The following PLEKHA7 variants were observed in gnomAD, a reference collection of about 807,000 sequenced individuals.
PLEKHA7 encodes the protein pleckstrin homology domain-containing family A member 7.
In PLEKHA7, 104 loss-of-function variants were observed where a neutral mutation model predicts 170.0. The observed-to-expected ratio is 0.61, with a 90% CI of 0.52 to 0.72. The LOEUF is 0.72. PLEKHA7 is among the 30% of genes least tolerant of loss of function. PLEKHA7 has a pLI of 0.00. For synonymous variants in PLEKHA7, 648 were observed against 660.8 expected (o/e 0.98, Z 0.30); for missense variants, 1,615 against 1,671.7 (o/e 0.97, Z 0.59).
intron 26 of PLEKHA7, among the ~76,000 whole-genome samples, chr11:16,782,172 C>G (rs999873254): frequency 1.3e-5 from 2 of 150,878 alleles, no homozygotes; most frequent in African/African-American, 4.9e-5. Flanking sequence ...CACACACACA[C>G]CCACACACAC....
At chr11:16,883,094 T>C (rs1266241586) in intron 3 of PLEKHA7, among the ~76,000 whole-genome samples, 1 of 152,154 alleles carries the variant, frequency 6.6e-6, no homozygotes, top group East Asian at 1.9e-4. Flanking sequence ...TCTGCCTAAC[T>C]CCAAAGTGTG....
chr11:16,926,954 A>G (rs1859595992), intron 3 of PLEKHA7, among the ~76,000 whole-genome samples: 1 of 151,940 alleles, frequency 6.6e-6, no homozygotes, highest in Non-Finnish European at 1.5e-5. Flanking sequence ...TCAGTCATCA[A>G]TTTGCTGTGT....
chr11:16,986,542 G>A (rs942700931), intron 3 of PLEKHA7, among the ~76,000 whole-genome samples: 2 of 152,188 alleles, frequency 1.3e-5, no homozygotes, highest in African/African-American at 4.8e-5. Context: ...CTACTGACTG[G>A]CTGGAGGCAA....
chr11:16,882,648 C>A (rs978144606), intron 3 of PLEKHA7, among the ~76,000 whole-genome samples: 37 of 152,164 alleles, frequency 2.4e-4, no homozygotes, highest in Admixed American at 2.4e-3. Context: ...AAGTCCATCA[C>A]TAAAAAGACT....
chr11:16,910,962 C>T (rs6486321), intron 3 of PLEKHA7, among the ~76,000 whole-genome samples: 35,727 of 152,072 alleles, frequency 0.23, 6,492 homozygotes, highest in African/African-American at 0.5. Flanking sequence ...TCACATTTCC[C>T]GACTGTAAAG....
In PLEKHA7 at chr11:16,822,970, T is replaced by TTGTA. The variant is rs1224015934; in HGVS notation, c.1343+3146_1343+3149dup. Among the ~76,000 whole-genome samples, 9 of 148,430 alleles carry TTGTA rather than the reference T, an allele frequency of 6.1e-5. No individual in the cohort carries two copies. In the East Asian group the frequency reaches 1.8e-3, roughly 29 times the overall value. On this transcript the variant is annotated intron_variant, in intron 10 of 26. Transcript: ENST00000531066. The stretch of plus-strand genomic sequence containing the variant: ...ACATGCACTGGAATCACCTAGGGAG[T>TTGTA]TGTATGTATGTATTATTTATTTATT...
intron 3 of PLEKHA7, among the ~76,000 whole-genome samples, chr11:17,010,318 G>C (rs1865248918): frequency 6.6e-6 from 1 of 152,014 alleles, no homozygotes; most frequent in Non-Finnish European, 1.5e-5. Flanking sequence ...TTGAACCCAA[G>C]AGGCAGAGGT....
chr11:17,006,345 G>A (rs954889809), intron 3 of PLEKHA7, among the ~76,000 whole-genome samples: 5 of 145,502 alleles, frequency 3.4e-5, no homozygotes, highest in East Asian at 2.0e-4. Context: ...AAAAAAAAAC[G>A]TCCAGGCACG....
intron 17 of PLEKHA7, among the ~76,000 whole-genome samples, chr11:16,797,209 C>G (rs1484156760): frequency 2.0e-5 from 3 of 152,124 alleles, no homozygotes; most frequent in African/African-American, 4.8e-5. Flanking sequence ...GGGACTACGG[C>G]CATCTCTTGA....
At chr11:17,001,152 G>T (rs1443761150) in intron 3 of PLEKHA7, among the ~76,000 whole-genome samples, 1 of 152,166 alleles carries the variant, frequency 6.6e-6, no homozygotes, top group Non-Finnish European at 1.5e-5. Flanking sequence ...CCCAGCCCCA[G>T]GCACCCATAT....
intron 12 of PLEKHA7, among the ~76,000 whole-genome samples, chr11:16,814,220 C>A (rs1278810303): frequency 6.6e-6 from 1 of 152,246 alleles, no homozygotes; most frequent in African/African-American, 2.4e-5. Context: ...TCAGTCCCTA[C>A]ACACTTGCCA....
intron 3 of PLEKHA7, among the ~76,000 whole-genome samples, chr11:16,961,931 G>A (rs1243759164): frequency 1.3e-5 from 2 of 152,182 alleles, no homozygotes; most frequent in Non-Finnish European, 2.9e-5. Context: ...GGAAGGGTCT[G>A]GCACATAGTA....
At chr11:16,981,172 A>G (rs12281206) in intron 3 of PLEKHA7, among the ~76,000 whole-genome samples, 4,195 of 152,296 alleles carry the variant, frequency 0.028, 171 homozygotes, top group African/African-American at 0.097. Context: ...TGGAATATCG[A>G]TGACCAGGAC....
intron 3 of PLEKHA7, among the ~76,000 whole-genome samples, chr11:16,890,863 G>T (rs898215975): frequency 4.0e-5 from 6 of 151,896 alleles, no homozygotes; most frequent in African/African-American, 9.7e-5. Flanking sequence ...ATATATATAT[G>T]TATTGCTTAA....
chr11:16,811,402 CA>C (rs1271671678), intron 13 of PLEKHA7, among the ~76,000 whole-genome samples: 2 of 152,136 alleles, frequency 1.3e-5, no homozygotes, highest in Admixed American at 1.3e-4. Context: ...GGCCCTGGGT[CA>C]GGGGTGACAA....
intron 3 of PLEKHA7, among the ~76,000 whole-genome samples, chr11:16,968,034 G>A (rs1162352981): frequency 6.6e-6 from 1 of 152,168 alleles, no homozygotes; most frequent in Non-Finnish European, 1.5e-5. Context: ...GAAGAAGGGA[G>A]AAGAATAGAT....
intron 26 of PLEKHA7, among the ~76,000 whole-genome samples, chr11:16,779,760 C>T (rs984536003): frequency 3.3e-5 from 5 of 152,180 alleles, no homozygotes; most frequent in African/African-American, 1.2e-4. Context: ...AATCATGCTT[C>T]GCTCCCTGCA....
intron 3 of PLEKHA7, among the ~76,000 whole-genome samples, chr11:16,946,871 T>A (rs891635882): frequency 2.0e-5 from 3 of 152,022 alleles, no homozygotes; most frequent in African/African-American, 7.2e-5. Flanking sequence ...TCCTCTCCAC[T>A]GATCAAAGTG....
Position 16,789,784 on chromosome 11 carries a change from C to T in PLEKHA7, c.3147G>A (p.Ala1049=), listed in dbSNP as rs750389695. 2.0e-5 allele frequency: 32 copies of T among 1,613,444 alleles called. No homozygotes were observed. Among genetic ancestry groups the T allele is most frequent in the African/African-American group, 6.7e-5 (5 of 74,910 alleles). The change falls in exon 22 of 27, where the codon GCG becomes GCA. Residue 1049 remains alanine, a synonymous_variant. Coordinates refer to ENST00000531066, the MANE Select transcript of PLEKHA7 (RefSeq NM_001329630.2). This position sits in a 1 kb window ranked among gnomAD's most constrained non-coding sequence, Gnocchi z 4.6. ...GCTCAAGGCCACTCACAGGGAAGGTCGCCTTGCTGCTTTCGGCATTGAGAC... is the reference window on the plus strand; with the variant it reads ...GCTCAAGGCCACTCACAGGGAAGGTTGCCTTGCTGCTTTCGGCATTGAGAC... The part of the protein sequence containing the change: ...RRGLNAESSK[A]TFPRPKSALE...
Sources: allele counts gnomAD v4.1 joint callset (sites outside exome capture counted in the v4.1 genomes callset), GRCh38; gene constraint gnomAD v4.1.1; non-coding constraint Gnocchi (gnomAD v3.1); transcripts MANE v1.5; gene names NCBI Gene and HGNC (gene_info 2026-07-23, HGNC 2026-07-21).